The following FBN2 variants were observed in gnomAD, a reference collection of about 807,000 sequenced individuals.
FBN2 encodes the protein fibrillin-2.
A neutral mutation model predicts 355.6 loss-of-function variants in FBN2; 105 were observed. The observed-to-expected ratio is 0.30, with a 90% confidence interval of 0.25 to 0.35. FBN2 has a LOEUF of 0.35. Among genes scored for constraint, FBN2 ranks in the 10% least tolerant of loss-of-function variants. The pLI, the probability that FBN2 is intolerant of heterozygous loss-of-function variation, is 1.00. For synonymous variants in FBN2, 1,350 were observed against 1,301.2 expected (o/e 1.04, Z -0.81); for missense variants, 3,280 against 3,758.7 (o/e 0.87, Z 3.33).
At chr5:128,319,465 A>T (rs1382617226) in intron 34 of FBN2, among the ~76,000 whole-genome samples, 2 of 151,518 alleles carry the variant, frequency 1.3e-5, no homozygotes, top group African/African-American at 4.8e-5. Flanking sequence ...TATTAAAATT[A>T]ACTTTTTAGT....
At chr5:128,514,077 A>G (rs970417426) in intron 5 of FBN2, among the ~76,000 whole-genome samples, 3 of 152,032 alleles carry the variant, frequency 2.0e-5, no homozygotes, top group Non-Finnish European at 4.4e-5. Flanking sequence ...TGACATCTGC[A>G]GTTGGTAACA....
At chr5:128,449,386 TATA>T (rs1322544652) in intron 6 of FBN2, among the ~76,000 whole-genome samples, 3 of 95,226 alleles carry the variant, frequency 3.2e-5, no homozygotes, top group African/African-American at 1.9e-4. Context: ...TAGTATACTA[TATA>T]ATAGTATACT....
chr5:128,537,361 G>A lies in FBN2; in HGVS notation c.243C>T (p.Asp81=). The change falls in exon 1 of 65, where the codon GAC becomes GAT. Residue 81 remains aspartate, a synonymous_variant. Transcript: ENST00000262464. The part of the protein sequence containing the change: ...ASRVRRRGQQ[D]VLRGPNVCGS... ...GCTTGCCCACTTACCCTCGGAGCACGTCCTGCTGTCCTCGCCGGCGGACGC... is the reference window on the plus strand; with the variant it reads ...GCTTGCCCACTTACCCTCGGAGCACATCCTGCTGTCCTCGCCGGCGGACGC... The A allele has an allele frequency of 1.2e-6, 2 of 1,610,666 alleles. No individual in the cohort carries two copies. Among genetic ancestry groups the A allele is most frequent in the Non-Finnish European group, 1.7e-6 (2 of 1,179,802 alleles).
chr5:128,430,735 T>C (rs1021601054), intron 7 of FBN2, among the ~76,000 whole-genome samples: 3 of 151,932 alleles, frequency 2.0e-5, no homozygotes, highest in African/African-American at 7.3e-5. Flanking sequence ...TCCCAGCTAC[T>C]CGGGAGGCTG....
At chr5:128,430,894 A>ATAAC (rs1753604873) in intron 7 of FBN2, among the ~76,000 whole-genome samples, 2 of 150,398 alleles carry the variant, frequency 1.3e-5, no homozygotes, top group Non-Finnish European at 1.5e-5. Context: ...AAATAAATAA[A>ATAAC]TAACACAAAA....
intron 2 of FBN2, among the ~76,000 whole-genome samples, chr5:128,534,626 C>T (rs1195156148): frequency 6.6e-6 from 1 of 152,162 alleles, no homozygotes; most frequent in Non-Finnish European, 1.5e-5. Flanking sequence ...TAGCTCATAA[C>T]CATCCAAATA....
Position 128,350,025 on chromosome 5 carries a change from A to C in FBN2, c.2813-20T>G, listed in dbSNP as rs1751305551. 6.2e-7 allele frequency: 1 copy of C among 1,604,150 alleles called. No individual in the cohort carries two copies. Among genetic ancestry groups the C allele is most frequent in the East Asian group, 2.2e-5 (1 of 44,824 alleles). ...CTGTATCTGTAACAACAACAGGACA[A>C]ATTTTACTTCATTATAGAATAAAAT... On this transcript the variant is annotated intron_variant, in intron 21 of 64. Coordinates refer to ENST00000262464, the MANE Select transcript of FBN2 (RefSeq NM_001999.4).
Position 128,449,753 on chromosome 5 carries a change from T to C in FBN2, c.827-3147A>G, listed in dbSNP as rs1754189561. On this transcript the variant is annotated intron_variant, in intron 6 of 64. Transcript: ENST00000262464. The stretch of plus-strand genomic sequence containing the variant: ...GTACGAAAAATTCCATTAAAAAGTC[T>C]GATTGTCAGATTTTTAAAAAGCAAG... 1.3e-5 allele frequency among the ~76,000 whole-genome samples: 2 copies of C among 151,886 alleles called. 1 individual carries two copies. The highest frequency in any genetic ancestry group is 1.3e-4 in the Admixed American group (2 of 15,256).
chr5:128,291,080 T>C (rs1280064627), intron 49 of FBN2, among the ~76,000 whole-genome samples, 196 bp from the exon 50 acceptor site: 1 of 152,192 alleles, frequency 6.6e-6, no homozygotes, highest in Non-Finnish European at 1.5e-5. Context: ...ATGCTTAAAA[T>C]ATTTTTATAA....
chr5:128,314,678 C>T (rs1041590671), intron 36 of FBN2, among the ~76,000 whole-genome samples: 2 of 152,120 alleles, frequency 1.3e-5, no homozygotes, highest in Admixed American at 1.3e-4. Flanking sequence ...CCCTCCCTTT[C>T]TCTTTTATTC....
chr5:128,299,333 G>A (rs1408908245), intron 48 of FBN2, among the ~76,000 whole-genome samples: 1 of 151,558 alleles, frequency 6.6e-6, no homozygotes, highest in Admixed American at 6.6e-5. Flanking sequence ...GAGGCAGGCA[G>A]GCCTCCTTGA....
rs914081385 is a variant in FBN2, at chr5:128,338,014, G to A, written c.3581C>T (p.Ser1194Phe). The part of the protein sequence containing the change: ...DCPLGHELSP[S>F]REDCVDINEC... ...AAACTCACCCACACAGTCCTCACGG[G>A]ATGGTGACAGCTCGTGTCCCAGTGG... Residue 1194 changes from serine (S) to phenylalanine (F), a missense_variant, in exon 27 of 65, where the codon TCC (serine) becomes TTC (phenylalanine). Around this residue, in one of 6 missense-constraint regions of FBN2, gnomAD observed 2,284 missense variants for 2,749.5 expected, o/e 0.83. Coordinates refer to ENST00000262464, the MANE Select transcript of FBN2 (RefSeq NM_001999.4). 1.9e-6 allele frequency: 3 copies of A among 1,614,162 alleles called. No homozygotes were observed. Among genetic ancestry groups the A allele is most frequent in the Admixed American group, 1.7e-5 (1 of 60,020 alleles).
At position 128,335,205 on chromosome 5, in the gene FBN2, C is replaced by T; in HGVS notation, c.3938G>A (p.Gly1313Asp). 6.2e-7 allele frequency: 1 copy of T among 1,614,074 alleles called. No homozygotes were observed. The highest frequency in any genetic ancestry group is 8.5e-7 in the Non-Finnish European group (1 of 1,179,974). Reference protein sequence around the residue: ...PGEYRCLCYDGFMASMDMKTC... With the variant: ...PGEYRCLCYDDFMASMDMKTC... ...TTTCATGTCCATGGAAGCCATGAAG[C>T]CATCATAGCAGAGGCAGCGATACTC... The change falls in exon 30 of 65, where the codon GGC (glycine) becomes GAC (aspartate). Residue 1313 changes from glycine to aspartate, a missense_variant. Gly to Asp is a moderately conservative substitution (Grantham distance 94). Transcript: ENST00000262464.
chr5:128,537,451 T>C lies in FBN2; in HGVS notation c.153A>G (p.Thr51=), dbSNP rs1756885351. The change falls in exon 1 of 65, where the codon ACA becomes ACG. Residue 51 remains threonine, a synonymous_variant. Transcript: ENST00000262464. ...CTAGAAACCCGCCTTCAGAGCCTGC[T>C]GTAGCGGACCGAACCTGTTGCGGCG... The part of the protein sequence containing the change: ...QPPPQQVRSA[T]AGSEGGFLAP... The C allele has an allele frequency of 1.2e-6, 2 of 1,607,720 alleles. No individual in the cohort carries two copies. Among genetic ancestry groups the C allele is most frequent in the East Asian group, 4.5e-5 (2 of 44,750 alleles).
chr5:128,366,406 C>T lies in FBN2; in HGVS notation c.2273G>A (p.Ser758Asn). Residue 758 changes from serine to asparagine, a missense_variant, in exon 17 of 65, where the codon AGT (serine) becomes AAT (asparagine). Around this residue, in one of 6 missense-constraint regions of FBN2, gnomAD observed 2,284 missense variants for 2,749.5 expected, o/e 0.83. Transcript: ENST00000262464. ...TCCATCCACAGTGATACCTACTCCA[C>T]TACTACAAAGGCCGTGGAATTCAGC... is the stretch of plus-strand genomic sequence containing the variant. ...NSAEFHGLCS[S>N]GVGITVDGRD... is the part of the protein sequence containing the mutation. 1 of 1,605,562 alleles carries T rather than the reference C, an allele frequency of 6.2e-7. No homozygotes were observed. Among genetic ancestry groups the T allele is most frequent in the South Asian group, 1.1e-5 (1 of 90,590 alleles).
intron 5 of FBN2, among the ~76,000 whole-genome samples, chr5:128,514,424 G>C (rs77354490): frequency 0.014 from 2,138 of 152,046 alleles, 53 homozygotes; most frequent in African/African-American, 0.048. Flanking sequence ...GTGTCTTATT[G>C]CATCCTCATG....
At chr5:128,371,910 T>C (rs1420263393) in intron 15 of FBN2, among the ~76,000 whole-genome samples, 1 of 152,196 alleles carries the variant, frequency 6.6e-6, no homozygotes, top group African/African-American at 2.4e-5. Context: ...ATGAGTAAAA[T>C]ATGTATGTAT....
intron 4 of FBN2, among the ~76,000 whole-genome samples, chr5:128,526,594 C>G (rs902103729): frequency 6.6e-6 from 1 of 152,038 alleles, no homozygotes; most frequent in African/African-American, 2.4e-5. Context: ...CACGGATGAA[C>G]CTTGAGGGCA....
chr5:128,515,119 T>C (rs544146373), intron 5 of FBN2, among the ~76,000 whole-genome samples: 3 of 152,312 alleles, frequency 2.0e-5, no homozygotes, highest in South Asian at 4.1e-4. Context: ...TGGGTCTACA[T>C]TATTCTCAGA....
Sources: allele counts gnomAD v4.1 joint callset (sites outside exome capture counted in the v4.1 genomes callset), GRCh38; gene constraint gnomAD v4.1.1; regional missense constraint gnomAD v4.1.1; transcripts MANE v1.5; gene names NCBI Gene and HGNC (gene_info 2026-07-23, HGNC 2026-07-21).